The following MGRN1 variants were observed in gnomAD, a reference collection of about 807,000 sequenced individuals.
MGRN1 encodes the protein mahogunin ring finger 1.
Under a neutral mutation model 69.2 loss-of-function variants are expected in MGRN1, and 29 were observed. The ratio of observed to expected loss-of-function variants is 0.42; its 90% confidence interval spans 0.31 to 0.57. The LOEUF (loss-of-function observed/expected upper bound fraction) is 0.57. Among genes scored for constraint, MGRN1 ranks in the 20% least tolerant of loss-of-function variants. The pLI is 0.15. For missense variants in MGRN1, 998 were observed against 796.2 expected, an observed-to-expected ratio of 1.25 and a Z score of -3.05; for synonymous variants, 470 against 344.2, an observed-to-expected ratio of 1.37 and a Z score of -4.04.
intron 7 of MGRN1, among the ~76,000 whole-genome samples, chr16:4,665,377 T>TC: frequency 6.7e-6 from 1 of 149,014 alleles, no homozygotes; most frequent in East Asian, 1.9e-4. Flanking sequence ...TTTTTTTTTT[T>TC]CTTTCCTGAG....
chr16:4,651,823 C>T (rs981981627), intron 2 of MGRN1, 140 bp from the exon 3 acceptor site: 5 of 730,826 alleles, frequency 6.8e-6, no homozygotes, highest in African/African-American at 5.3e-5. Flanking sequence ...TAAATGAGAA[C>T]AGTGCACCCA....
rs1312439264 is a variant in MGRN1, at chr16:4,624,863, C to G, written c.-98C>G. 5 of 1,017,854 alleles carry G rather than the reference C, an allele frequency of 4.9e-6. No homozygotes were observed. Among genetic ancestry groups the G allele is most frequent in the Non-Finnish European group, 6.6e-6 (5 of 755,092 alleles). The allele number at this position is 1,017,854 out of a possible 1,614,324, so 63.1% of individuals were successfully genotyped here. ...CGCCTCCGCGGCCGTGGACGAGCGTCCGTGCGGCCTGGTCCGGGCCATGTC... is the reference window on the plus strand; with the variant it reads ...CGCCTCCGCGGCCGTGGACGAGCGTGCGTGCGGCCTGGTCCGGGCCATGTC... On this transcript the variant is annotated 5_prime_UTR_variant, in exon 1 of 17. Coordinates refer to ENST00000262370, the MANE Select transcript of MGRN1 (RefSeq NM_015246.4).
Position 4,688,593 on chromosome 16 carries a change from G to A in MGRN1, c.1619-203G>A, listed in dbSNP as rs546985636. On this transcript the variant is annotated intron_variant, in intron 16 of 16. Coordinates refer to ENST00000262370, the MANE Select transcript of MGRN1 (RefSeq NM_015246.4). Reference sequence around the variant, plus strand: ...GGGGATCTGGGATCGTCTGTCCCAAGAGGGACACAGCGTATTTGGCACAGT... The same window carrying A: ...GGGGATCTGGGATCGTCTGTCCCAAAAGGGACACAGCGTATTTGGCACAGT... The A allele has an allele frequency of 5.4e-5, 72 of 1,341,168 alleles. No individual in the cohort carries two copies. The East Asian group carries it at 2.0e-3, about 37-fold the overall frequency. 83.1% of individuals were successfully genotyped at this position (1,341,168 alleles called of 1,614,324 possible).
intron 11 of MGRN1, among the ~76,000 whole-genome samples, chr16:4,678,024 T>C (rs994113168): frequency 6.6e-6 from 1 of 152,058 alleles, no homozygotes; most frequent in Non-Finnish European, 1.5e-5. Flanking sequence ...ATGTTTTGTA[T>C]TTTTAGTAAG....
rs1567164371 is a variant in MGRN1 at position 4,629,155 on chromosome 16, TGTGTGTGTG to T, written c.88+4108_88+4116del. 9.9e-3 allele frequency among the ~76,000 whole-genome samples: 1,460 copies of T among 146,756 alleles called. 26 individuals carry two copies. Among genetic ancestry groups the T allele is most frequent in the African/African-American group, 0.033 (1,330 of 40,430 alleles). On this transcript the variant is annotated intron_variant, in intron 1 of 16. Coordinates refer to ENST00000262370, the MANE Select transcript of MGRN1 (RefSeq NM_015246.4). ...CTGGCCTGCTTTCTGTTCGTATGTG[TGTGTGTGTG>T]TGTGTGTGTGTGTGTGTGTGTGTGT...
chr16:4,678,064 C>T (rs1054966919), intron 11 of MGRN1, among the ~76,000 whole-genome samples: 1 of 152,168 alleles, frequency 6.6e-6, no homozygotes, highest in African/African-American at 2.4e-5. Flanking sequence ...CCAGGCTGGT[C>T]TCGAACTCTT....
In MGRN1 at chr16:4,650,411, C is replaced by T. The variant is rs1456137702; in HGVS notation, c.135C>T (p.Asp45=). ...SHFFMGGEKF[D]TPHPEGYLFG... Reference sequence around the variant, plus strand: ...TTTTCATGGGAGGAGAGAAATTCGACACCCCCCACCCTGAAGGTTACCTCT... The same window carrying T: ...TTTTCATGGGAGGAGAGAAATTCGATACCCCCCACCCTGAAGGTTACCTCT... The change falls in exon 2 of 17, where the codon GAC becomes GAT. Residue 45 remains aspartate (D), a synonymous_variant. Coordinates refer to ENST00000262370, the MANE Select transcript of MGRN1 (RefSeq NM_015246.4). 2.5e-6 allele frequency: 4 copies of T among 1,613,742 alleles called. No individual in the cohort carries two copies. Among genetic ancestry groups the T allele is most frequent in the African/African-American group, 1.3e-5 (1 of 74,886 alleles).
At position 4,688,238 on chromosome 16, in the gene MGRN1, G is replaced by A. The variant is rs942137015; in HGVS notation, c.1619-558G>A. On this transcript the variant is annotated intron_variant, in intron 16 of 16. Transcript: ENST00000262370. ...GCACCATTGCCCAAGCCCCAGGGAC[G>A]CCAGACCCATCTGGGGACAGCGCCC... is the stretch of plus-strand genomic sequence containing the variant. 6.1e-6 allele frequency: 6 copies of A among 985,706 alleles called. No homozygotes were observed. In the Admixed American group the frequency reaches 1.8e-4, roughly 30 times the overall value. The allele number at this position is 985,706 out of a possible 1,614,324, so 61.1% of individuals were successfully genotyped here.
intron 1 of MGRN1, among the ~76,000 whole-genome samples, chr16:4,642,348 A>G (rs560160443): frequency 6.6e-6 from 1 of 151,408 alleles, no homozygotes; most frequent in East Asian, 1.9e-4. Context: ...CCCAGGCTGG[A>G]GTTCAATGGT....
chr16:4,688,071 G>T, intron 16 of MGRN1: 1 of 985,512 alleles, frequency 1.0e-6, no homozygotes, highest in Non-Finnish European at 1.2e-6. Flanking sequence ...ACCTGCTCTC[G>T]CCGCGGCCCC....
At chr16:4,660,286 A>C (rs2078647297) in intron 5 of MGRN1, among the ~76,000 whole-genome samples, 1 of 152,230 alleles carries the variant, frequency 6.6e-6, no homozygotes, top group African/African-American at 2.4e-5. Context: ...GGCTGGAAGC[A>C]GTCCCTCGCA....
chr16:4,679,669 C>T (rs544294134), intron 11 of MGRN1, among the ~76,000 whole-genome samples: 1 of 152,220 alleles, frequency 6.6e-6, no homozygotes, highest in African/African-American at 2.4e-5. Flanking sequence ...AGTGTGGCTT[C>T]AGGATCTCCA....
At chr16:4,635,471 T>C (rs1178599403) in intron 1 of MGRN1, among the ~76,000 whole-genome samples, 1 of 151,962 alleles carries the variant, frequency 6.6e-6, no homozygotes, top group Non-Finnish European at 1.5e-5. Flanking sequence ...ACATATTCTT[T>C]TTTTTTTCTT....
At chr16:4,646,247 A>G (rs1416850846) in intron 1 of MGRN1, among the ~76,000 whole-genome samples, 1 of 152,128 alleles carries the variant, frequency 6.6e-6, no homozygotes, top group East Asian at 1.9e-4. Flanking sequence ...CCTGGGTAGC[A>G]TAGTGAGACC....
At chr16:4,684,760 C>T (rs1175986594) in intron 16 of MGRN1, among the ~76,000 whole-genome samples, 1 of 152,234 alleles carries the variant, frequency 6.6e-6, no homozygotes, top group Non-Finnish European at 1.5e-5. Context: ...GCACCTGCCA[C>T]GAGGCTGTCT....
At chr16:4,652,899 C>T (rs2078441273) in intron 4 of MGRN1, 75 bp downstream of exon 4, 2 of 1,464,618 alleles carry the variant, frequency 1.4e-6, no homozygotes, top group East Asian at 2.5e-5. Context: ...GTCCACCTTA[C>T]TAACCAGAGG....
chr16:4,683,797 A>ACCTGCCGGG, intron 15 of MGRN1, 46 bp from the exon 16 acceptor site: 1 of 1,569,928 alleles, frequency 6.4e-7, no homozygotes, highest in Non-Finnish European at 8.7e-7. Context: ...ACCTGCCGGG[A>ACCTGCCGGG]CCTGGCCCCT....
At chr16:4,685,839 CT>C in intron 16 of MGRN1, among the ~76,000 whole-genome samples, 1 of 152,218 alleles carries the variant, frequency 6.6e-6, no homozygotes, top group East Asian at 1.9e-4. Context: ...GGCGGCATCA[CT>C]GAACCCTGCT....
Position 4,664,772 on chromosome 16 carries a change from G to T in MGRN1, c.625G>T (p.Asp209Tyr). 1.2e-6 allele frequency: 2 copies of T among 1,614,222 alleles called. No homozygotes were observed. The highest frequency in any genetic ancestry group is 1.7e-6 in the Non-Finnish European group (2 of 1,180,022). Residue 209 changes from aspartate (D) to tyrosine (Y), a missense_variant, in exon 6 of 17, where the codon GAT (aspartate) becomes TAT (tyrosine). Physicochemically the swap from Asp to Tyr is radical, Grantham distance 160. Transcript: ENST00000262370. The stretch of plus-strand genomic sequence containing the variant: ...CATCCAGGCTGTGGTGGACGAAGGA[G>T]ATGGTGAGTGCGTCCTCTTCCGTCC... ...VVIQAVVDEG[D>Y]VVEVTGHAHV...
Sources: gnomAD v4.1 joint callset for allele counts (sites outside exome capture counted in the v4.1 genomes callset) on GRCh38, gnomAD v4.1.1 for gene constraint, MANE v1.5 for transcripts, NCBI Gene and HGNC (gene_info 2026-07-23, HGNC 2026-07-21) for gene names.